TMCC3: variants seen among roughly 807,000 people sequenced by gnomAD.
The protein encoded by TMCC3 is transmembrane and coiled-coil domain protein 3.
Under a neutral mutation model 40.2 loss-of-function variants are expected in TMCC3, and 28 were observed. The observed-to-expected ratio is 0.70, with a 90% confidence interval of 0.52 to 0.95. The LOEUF is 0.95. Among genes scored for constraint, TMCC3 ranks in the 40% least tolerant of loss-of-function variants. The pLI, the probability that TMCC3 is intolerant of heterozygous loss-of-function variation, is 0.00. For missense variants in TMCC3, 554 were observed against 615.2 expected (o/e 0.90, Z 1.05); for synonymous variants, 255 against 248.5 (o/e 1.03, Z -0.25).
At chr12:94,635,298 A>T (rs2068953930) in intron 1 of TMCC3, among the ~76,000 whole-genome samples, 1 of 152,212 alleles carries the variant, frequency 6.6e-6, no homozygotes, top group South Asian at 2.1e-4. Context: ...TGGGGCTAAC[A>T]AAGCAGAAGC....
chr12:94,648,125 C>T (rs1480583287), intron 1 of TMCC3, among the ~76,000 whole-genome samples: 1 of 152,172 alleles, frequency 6.6e-6, no homozygotes, highest in Non-Finnish European at 1.5e-5. Context: ...CATATAATGT[C>T]TAACTCAGTT....
chr12:94,578,261 G>A (rs1390057321), intron 3 of TMCC3, 133 bp downstream of exon 3: 3 of 931,764 alleles, frequency 3.2e-6, no homozygotes, highest in East Asian at 2.9e-5. Flanking sequence ...CAGATAAAAT[G>A]TTTGTGCAGA....
chr12:94,604,642 CAAAA>C (rs62951060), intron 1 of TMCC3, among the ~76,000 whole-genome samples: 1 of 116,088 alleles, frequency 8.6e-6, no homozygotes. Context: ...CCATCTCTAC[CAAAA>C]AAAAAAAAAA....
intron 1 of TMCC3, among the ~76,000 whole-genome samples, chr12:94,634,356 A>C (rs2068949248): frequency 6.6e-6 from 1 of 152,182 alleles, no homozygotes; most frequent in Non-Finnish European, 1.5e-5. Context: ...TAATTTAAAG[A>C]AAGCCACAAG....
intron 1 of TMCC3, among the ~76,000 whole-genome samples, chr12:94,636,138 C>T (rs114397260): frequency 2.3e-3 from 355 of 152,136 alleles, no homozygotes; most frequent in African/African-American, 8.3e-3. Flanking sequence ...ATATGAACAG[C>T]GGTATATTTT....
intron 1 of TMCC3, among the ~76,000 whole-genome samples, chr12:94,647,708 T>A (rs1242029635): frequency 6.6e-6 from 1 of 152,210 alleles, no homozygotes; most frequent in Non-Finnish European, 1.5e-5. Flanking sequence ...ACGTTCTGGG[T>A]GTCAGGAAAA....
chr12:94,595,985 A>G (rs2068712909), intron 1 of TMCC3, among the ~76,000 whole-genome samples: 1 of 152,186 alleles, frequency 6.6e-6, no homozygotes, highest in African/African-American at 2.4e-5. Flanking sequence ...CAACATAAAA[A>G]CTGATTTCCT....
rs775579299 is a variant in TMCC3 at position 94,581,801 on chromosome 12, C to T, written c.816G>A (p.Ser272=). 13 of 1,614,026 alleles carry T rather than the reference C, an allele frequency of 8.1e-6. No homozygotes were observed. The East Asian group carries it at 1.3e-4, about 17-fold the overall frequency. ...GTGTGCTGGCTCCACCAGCCCCAAA[C>T]GACTGGTTTCCGTTACTGTCGGCCG... ...SGSADSNGNQ[S]FGAGGASTLD... The change falls in exon 2 of 4, where the codon TCG becomes TCA. Residue 272 remains serine, a synonymous_variant. Coordinates refer to ENST00000261226, the MANE Select transcript of TMCC3 (RefSeq NM_020698.4).
At chr12:94,634,612 G>T (rs1206799157) in intron 1 of TMCC3, among the ~76,000 whole-genome samples, 2 of 152,160 alleles carry the variant, frequency 1.3e-5, no homozygotes, top group Non-Finnish European at 2.9e-5. Flanking sequence ...CTCAATAGTT[G>T]AATTTAATGT....
Position 94,571,180 on chromosome 12 carries a change from G to C in TMCC3, c.*255C>G, listed in dbSNP as rs1594260994. On this transcript the variant is annotated 3_prime_UTR_variant, in exon 4 of 4. Coordinates refer to ENST00000261226, the MANE Select transcript of TMCC3 (RefSeq NM_020698.4). ...GAGGTTTACCACGCTGGGCTGGTCA[G>C]GTGGGCAGGAAATCGGTCTGATTAA... 2 of 505,760 alleles carry C rather than the reference G, an allele frequency of 4.0e-6. No homozygotes were observed. Among genetic ancestry groups the C allele is most frequent in the East Asian group, 3.6e-5 (1 of 28,062 alleles). The allele number at this position is 505,760 out of a possible 1,614,324, so 31.3% of individuals were successfully genotyped here. A position where few individuals can be genotyped will look rare whatever the true frequency, so the allele number is the denominator to read the frequency against.
At chr12:94,615,164 C>T (rs1006887583) in intron 1 of TMCC3, among the ~76,000 whole-genome samples, 5 of 152,184 alleles carry the variant, frequency 3.3e-5, no homozygotes, top group African/African-American at 1.2e-4. Flanking sequence ...AGAAAGATTG[C>T]ATTTTGTGTC....
In TMCC3 at chr12:94,571,674, C is replaced by G. The variant is rs201156920; in HGVS notation, c.1195G>C (p.Ala399Pro). The G allele has an allele frequency of 1.9e-6, 3 of 1,614,086 alleles. No homozygotes were observed. The African/African-American group carries it at 4.0e-5, about 22-fold the overall frequency. The change falls in exon 4 of 4, where the codon GCT (alanine) becomes CCT (proline). Residue 399 changes from alanine (A) to proline (P), a missense_variant. Coordinates refer to ENST00000261226, the MANE Select transcript of TMCC3 (RefSeq NM_020698.4). ...KLELHQQEQQ[A>P]LQTDTVNAKV... The stretch of plus-strand genomic sequence containing the variant: ...GCATTCACGGTGTCTGTCTGCAGAG[C>G]TTGCTGCTCTTGCTGGTGGAGCTCC...
chr12:94,622,600 G>A (rs2068881590), intron 1 of TMCC3, among the ~76,000 whole-genome samples: 1 of 152,108 alleles, frequency 6.6e-6, no homozygotes, highest in East Asian at 1.9e-4. Context: ...GTCGACTCAG[G>A]AAACCTTTCT....
At chr12:94,644,298 T>C (rs2069006678) in intron 1 of TMCC3, 1 of 815,678 alleles carries the variant, frequency 1.2e-6, no homozygotes, top group African/African-American at 1.9e-5. Flanking sequence ...ACTGAAAACA[T>C]GAAAACACAA....
Position 94,568,173 on chromosome 12 carries a change from C to T in TMCC3, c.*3262G>A, listed in dbSNP as rs1287754574. 1 of 152,082 alleles carries T rather than the reference C, an allele frequency of 6.6e-6. No individual in the cohort carries two copies. Among genetic ancestry groups the T allele is most frequent in the African/African-American group, 2.4e-5 (1 of 41,394 alleles). 9.4% of individuals were successfully genotyped at this position (152,082 alleles called of 1,614,324 possible). A position where few individuals can be genotyped will look rare whatever the true frequency, so the allele number is the denominator to read the frequency against. On this transcript the variant is annotated 3_prime_UTR_variant, in exon 4 of 4. Transcript: ENST00000261226. The stretch of plus-strand genomic sequence containing the variant: ...CACGCAGGCAAAAATGCTACCGTTC[C>T]AAGCTACAAACTTGGGACTAATCCC...
At position 94,578,545 on chromosome 12, in the gene TMCC3, GC is replaced by G. The variant is rs1459567058; in HGVS notation, c.996-17del. The G allele has an allele frequency of 5.6e-6, 9 of 1,608,962 alleles. No homozygotes were observed. Among genetic ancestry groups the G allele is most frequent in the Non-Finnish European group, 7.6e-6 (9 of 1,176,954 alleles). ...TCGCTCATACCTTTAAAAGAGAGGA[GC>G]CGATTCCCAGTGTGACCTTTCACAG... On this transcript the variant is annotated splice_polypyrimidine_tract_variant and intron_variant, in intron 2 of 3. Coordinates refer to ENST00000261226, the MANE Select transcript of TMCC3 (RefSeq NM_020698.4).
At chr12:94,615,389 G>A (rs780455182) in intron 1 of TMCC3, among the ~76,000 whole-genome samples, 4 of 152,160 alleles carry the variant, frequency 2.6e-5, no homozygotes, top group East Asian at 3.8e-4. Flanking sequence ...CCCACAGCTC[G>A]AGGCAGCCAC....
At chr12:94,638,831 G>C (rs1362200722) in intron 1 of TMCC3, among the ~76,000 whole-genome samples, 7 of 152,350 alleles carry the variant, frequency 4.6e-5, no homozygotes, top group Admixed American at 4.6e-4. Flanking sequence ...ACACACTGGA[G>C]TAAATATATT....
intron 1 of TMCC3, among the ~76,000 whole-genome samples, chr12:94,637,726 G>C (rs2068967623): frequency 1.3e-5 from 2 of 152,190 alleles, no homozygotes; most frequent in African/African-American, 4.8e-5. Flanking sequence ...CCTTTAATAA[G>C]AAAATGGTTA....
Sources: allele counts gnomAD v4.1 joint callset (sites outside exome capture counted in the v4.1 genomes callset), GRCh38; gene constraint gnomAD v4.1.1; transcripts MANE v1.5; gene names NCBI Gene and HGNC (gene_info 2026-07-23, HGNC 2026-07-21).